Variants in PI4KA observed in about 807,000 individuals in gnomAD.
PI4KA encodes the protein phosphatidylinositol 4-kinase alpha, also known as PI4-kinase alpha.
Under a neutral mutation model 271.4 loss-of-function variants are expected in PI4KA, and 122 were observed. The ratio of observed to expected loss-of-function variants is 0.45; its 90% confidence interval spans 0.39 to 0.52. The LOEUF (loss-of-function observed/expected upper bound fraction) is 0.52. Among genes scored for constraint, PI4KA ranks in the 20% least tolerant of loss-of-function variants. The pLI, the probability that PI4KA is intolerant of heterozygous loss-of-function variation, is 0.00. For synonymous variants in PI4KA, 1,041 were observed against 1,078.8 expected (o/e 0.96, Z 0.69); for missense variants, 1,969 against 2,769.1 (o/e 0.71, Z 6.48).
intron 1 of PI4KA, 73 bp from the exon 2 acceptor site, chr22:20,838,804 G>A (rs1925200945): frequency 3.4e-6 from 3 of 872,786 alleles, no homozygotes; most frequent in Non-Finnish European, 5.8e-6. Flanking sequence ...CAAGCTGAGT[G>A]CAGTGTCATA....
At chr22:20,803,164 C>A (rs551134971) in intron 13 of PI4KA, 27 bp downstream of exon 13, 5 of 1,612,612 alleles carry the variant, frequency 3.1e-6, no homozygotes, top group Non-Finnish European at 4.2e-6. Flanking sequence ...TTTCTCAGGG[C>A]CTGAAGGGCA....
intron 28 of PI4KA, among the ~76,000 whole-genome samples, chr22:20,749,194 T>TGC (rs1930417622): frequency 6.6e-6 from 1 of 152,228 alleles, no homozygotes; most frequent in Non-Finnish European, 1.5e-5. Context: ...TGGAGCTGGC[T>TGC]GCTCTATCCT....
rs1209650150 is a variant in PI4KA, at chr22:20,734,417, G to A, written c.3878C>T (p.Thr1293Ile). ...TACGTCGATCCAGATGTAGTGGGGG[G>A]TCACTTCGGGGGGACAGGGTTTGGG... ...SQPKPCPPEV[T>I]PHYIWIDFLV... The change falls in exon 33 of 55, where the codon ACC (threonine) becomes ATC (isoleucine). Residue 1293 changes from threonine to isoleucine, a missense_variant. Around this residue, in one of 13 missense-constraint regions of PI4KA, gnomAD observed 203 missense variants for 256.8 expected, o/e 0.79. Coordinates refer to ENST00000255882, the MANE Select transcript of PI4KA (RefSeq NM_058004.4). 2.5e-6 allele frequency: 4 copies of A among 1,598,484 alleles called. No individual in the cohort carries two copies. The African/African-American group carries it at 4.0e-5, about 16-fold the overall frequency.
intron 19 of PI4KA, among the ~76,000 whole-genome samples, chr22:20,785,622 A>G (rs745604667): frequency 2.6e-5 from 4 of 152,222 alleles, no homozygotes; most frequent in African/African-American, 4.8e-5. Flanking sequence ...TTAAAAGTAC[A>G]CTACCAGATA....
At chr22:20,801,429 TA>T (rs1935322319) in intron 14 of PI4KA, among the ~76,000 whole-genome samples, 1 of 149,790 alleles carries the variant, frequency 6.7e-6, no homozygotes, top group Non-Finnish European at 1.5e-5. Context: ...ACTAAAAATA[TA>T]AAAAATTAGC....
At chr22:20,763,007 CTTTT>C (rs1207890990) in intron 22 of PI4KA, among the ~76,000 whole-genome samples, 2 of 13,540 alleles carry the variant, frequency 1.5e-4, no homozygotes, top group African/African-American at 7.6e-4. Context: ...GGTTTTTTTG[CTTTT>C]TTTTTTGGGG....
At chr22:20,849,463 T>A (rs1179704091) in intron 1 of PI4KA, among the ~76,000 whole-genome samples, 3 of 152,166 alleles carry the variant, frequency 2.0e-5, no homozygotes, top group Admixed American at 1.3e-4. Flanking sequence ...TACTAATGAA[T>A]GGATAAAATA....
intron 1 of PI4KA, among the ~76,000 whole-genome samples, chr22:20,854,495 A>C (rs1476412872): frequency 2.0e-5 from 3 of 152,046 alleles, no homozygotes; most frequent in African/African-American, 7.2e-5. Flanking sequence ...GATTAGAGTG[A>C]GTGACTAGAG....
chr22:20,722,740 T>C (rs1033596321), intron 42 of PI4KA, among the ~76,000 whole-genome samples: 1 of 152,212 alleles, frequency 6.6e-6, no homozygotes, highest in Admixed American at 6.5e-5. Context: ...CTGTGGCCAC[T>C]GATCTGGTGA....
chr22:20,790,137 G>A (rs1411993844), intron 19 of PI4KA, among the ~76,000 whole-genome samples: 1 of 152,100 alleles, frequency 6.6e-6, no homozygotes, highest in Non-Finnish European at 1.5e-5. Flanking sequence ...CAAAGTTGCG[G>A]TACAAAGATC....
At chr22:20,845,581 T>C (rs1926125147) in intron 1 of PI4KA, among the ~76,000 whole-genome samples, 1 of 152,234 alleles carries the variant, frequency 6.6e-6, no homozygotes, top group African/African-American at 2.4e-5. Context: ...TAAGCTGATA[T>C]TTTCGAAGTG....
rs1446278808 is a variant in PI4KA, at chr22:20,857,033, T to G, written c.156+1537A>C. ...GAATGTGCTGACTAGCTAGCATGAG[T>G]TTGATTCAATAAAACAGCACTACAC... On this transcript the variant is annotated intron_variant, in intron 1 of 54. Transcript: ENST00000255882. 2.6e-5 allele frequency among the ~76,000 whole-genome samples: 4 copies of G among 152,154 alleles called. No homozygotes were observed. In the East Asian group the frequency reaches 5.8e-4, roughly 22 times the overall value.
chr22:20,772,511 T>C (rs1932921765), intron 19 of PI4KA, among the ~76,000 whole-genome samples: 1 of 151,998 alleles, frequency 6.6e-6, no homozygotes. Flanking sequence ...AAAGCTAGAG[T>C]GCAAAATCAG....
intron 32 of PI4KA, among the ~76,000 whole-genome samples, chr22:20,741,513 A>G (rs1042415654): frequency 2.6e-5 from 4 of 152,184 alleles, no homozygotes; most frequent in African/African-American, 7.2e-5. Context: ...ACAGCGCTCA[A>G]TGGTGTGATT....
At chr22:20,759,548 C>T (rs1249991801) in intron 23 of PI4KA, among the ~76,000 whole-genome samples, 2 of 151,566 alleles carry the variant, frequency 1.3e-5, no homozygotes, top group Non-Finnish European at 2.9e-5. Flanking sequence ...GGACTACAGG[C>T]GTGCACCACC....
intron 3 of PI4KA, among the ~76,000 whole-genome samples, chr22:20,833,657 G>GTTTTTTTTTTT (rs361962): frequency 4.2e-4 from 31 of 73,018 alleles, no homozygotes; most frequent in Non-Finnish European, 5.4e-4. Context: ...GTTTGTTTTT[G>GTTTTTTTTTTT]TTTTTTTTTT....
At chr22:20,771,169 A>G (rs867063710) in intron 19 of PI4KA, among the ~76,000 whole-genome samples, 33 of 152,190 alleles carry the variant, frequency 2.2e-4, no homozygotes, top group Middle Eastern at 3.4e-3. Context: ...TCACGCCTGT[A>G]ATCCCAGCAC....
At chr22:20,830,105 T>C in intron 3 of PI4KA, among the ~76,000 whole-genome samples, 1 of 152,244 alleles carries the variant, frequency 6.6e-6, no homozygotes. Flanking sequence ...GAAGAATGTA[T>C]ATTCTGCTGC....
At chr22:20,839,316 T>C (rs178058) in intron 1 of PI4KA, among the ~76,000 whole-genome samples, 25,133 of 152,126 alleles carry the variant, frequency 0.17, 2,224 homozygotes, top group Middle Eastern at 0.33. Context: ...ACAGGACATC[T>C]CCAGCTGCTG....
Sources: allele counts gnomAD v4.1 joint callset (sites outside exome capture counted in the v4.1 genomes callset), GRCh38; gene constraint gnomAD v4.1.1; regional missense constraint gnomAD v4.1.1; transcripts MANE v1.5; gene names NCBI Gene and HGNC (gene_info 2026-07-23, HGNC 2026-07-21).